The following SEMA6D variants were observed in gnomAD, a reference collection of about 807,000 sequenced individuals.
The protein encoded by SEMA6D is semaphorin 6D, also known as semaphorin-6D.
A neutral mutation model predicts 106.6 loss-of-function variants in SEMA6D; 35 were observed. That is an observed-to-expected ratio of 0.33 (90% CI 0.25 to 0.44). The LOEUF is 0.44. SEMA6D is among the 20% of genes least tolerant of loss of function. The pLI is 1.00. For missense variants in SEMA6D, 1,185 were observed against 1,345.9 expected (o/e 0.88, Z 1.87); for synonymous variants, 499 against 487.7 (o/e 1.02, Z -0.31).
At chr15:47,694,444 T>G (rs1174576977) in intron 4 of SEMA6D, among the ~76,000 whole-genome samples, 1 of 152,062 alleles carries the variant, frequency 6.6e-6, no homozygotes, top group Non-Finnish European at 1.5e-5. Context: ...CGCCTTCACC[T>G]CCAACCCACC....
intron 1 of SEMA6D, among the ~76,000 whole-genome samples, chr15:47,409,970 G>T (rs1467568468): frequency 6.6e-6 from 1 of 151,976 alleles, no homozygotes; most frequent in South Asian, 2.1e-4. Flanking sequence ...TCTGAAAGTC[G>T]GTGTTAGAAC....
At chr15:47,469,374 G>C (rs965591302) in intron 2 of SEMA6D, among the ~76,000 whole-genome samples, 3 of 151,788 alleles carry the variant, frequency 2.0e-5, no homozygotes, top group Non-Finnish European at 4.4e-5. Flanking sequence ...TTAGTGGGGG[G>C]AGGACTTCAA....
chr15:47,761,661 T>G lies in SEMA6D; in HGVS notation c.448T>G (p.Leu150Val). 1 of 1,610,284 alleles carries G rather than the reference T, an allele frequency of 6.2e-7. No homozygotes were observed. Among genetic ancestry groups the G allele is most frequent in the Non-Finnish European group, 8.5e-7 (1 of 1,178,012 alleles). The change falls in exon 7 of 19, where the codon TTG becomes GTG. Residue 150 changes from leucine (L) to valine (V), a missense_variant and splice_region_variant. By Grantham distance (32) the Leu-to-Val change is conservative. Around this residue, in one of 3 missense-constraint regions of SEMA6D, gnomAD observed 291 missense variants for 423.8 expected, o/e 0.69. Coordinates refer to ENST00000536845, the MANE Select transcript of SEMA6D (RefSeq NM_001358351.3). Reference sequence around the variant, plus strand: ...CTGGCTATTTACTTTTCTTTTGTAGTTGAGTACCTTAGAATATGATGGGGA... The same window carrying G: ...CTGGCTATTTACTTTTCTTTTGTAGGTGAGTACCTTAGAATATGATGGGGA... ...AFNPMCRYYRLSTLEYDGEEI... is the reference protein window; with the variant it reads ...AFNPMCRYYRVSTLEYDGEEI...
At chr15:47,622,051 G>T (rs2077111787) in intron 4 of SEMA6D, among the ~76,000 whole-genome samples, 1 of 152,092 alleles carries the variant, frequency 6.6e-6, no homozygotes, top group Admixed American at 6.5e-5. Flanking sequence ...ACTGAGAGGG[G>T]TGATTGAACA....
In SEMA6D at chr15:47,760,346, A is replaced by G. The variant is rs752260891; in HGVS notation, c.152A>G (p.Asn51Ser). Reference protein sequence around the residue: ...YPVFRGRPSGNESQHRLDFQL... With the variant: ...YPVFRGRPSGSESQHRLDFQL... ...GTTTTTAGAGGACGCCCTTCAGGCA[A>G]TGAATCGCAGCACAGGCTGGACTTT... Residue 51 changes from asparagine (N) to serine (S), a missense_variant, in exon 3 of 19, where the codon AAT (asparagine) becomes AGT (serine). By Grantham distance (46) the Asn-to-Ser change is conservative. Coordinates refer to ENST00000536845, the MANE Select transcript of SEMA6D (RefSeq NM_001358351.3). The G allele has an allele frequency of 3.7e-6, 6 of 1,613,594 alleles. No individual in the cohort carries two copies. The highest frequency in any genetic ancestry group is 2.2e-5 in the South Asian group (2 of 91,070).
chr15:47,190,347 T>C (rs1893876435), intron 1 of SEMA6D, among the ~76,000 whole-genome samples: 1 of 152,230 alleles, frequency 6.6e-6, no homozygotes, highest in African/African-American at 2.4e-5. Flanking sequence ...AGGAGGAAAC[T>C]TGAAAATTTA....
At chr15:47,716,944 TG>T (rs1357263919), upstream of SEMA6D, 1 of 61,858 alleles carries the variant, frequency 1.6e-5, no homozygotes, top group Non-Finnish European at 3.2e-5. Flanking sequence ...GGGGGTAATG[TG>T]GGGGCGGGTT....
intron 1 of SEMA6D, among the ~76,000 whole-genome samples, chr15:47,227,037 G>A (rs932640111): frequency 6.6e-5 from 10 of 152,044 alleles, no homozygotes; most frequent in African/African-American, 2.4e-4. Context: ...AGCCAAAGGT[G>A]TAATAGGATG....
chr15:47,559,025 C>T (rs766731552), intron 3 of SEMA6D, among the ~76,000 whole-genome samples: 15 of 151,748 alleles, frequency 9.9e-5, no homozygotes, highest in Non-Finnish European at 1.8e-4. Context: ...CTCATGGAAG[C>T]GTGAGTAAGC....
At chr15:47,409,469 A>G (rs978595587) in intron 1 of SEMA6D, among the ~76,000 whole-genome samples, 2 of 152,212 alleles carry the variant, frequency 1.3e-5, no homozygotes, top group African/African-American at 2.4e-5. Flanking sequence ...TATCTCCCAC[A>G]TACTACAGAA....
chr15:47,501,305 C>T (rs1051576931), intron 3 of SEMA6D, among the ~76,000 whole-genome samples: 3 of 152,178 alleles, frequency 2.0e-5, no homozygotes, highest in Admixed American at 6.5e-5. Context: ...CTTCTCACTT[C>T]CCTTCCTCGT....
intron 3 of SEMA6D, among the ~76,000 whole-genome samples, chr15:47,474,727 C>G (rs1412442039): frequency 6.6e-6 from 1 of 152,194 alleles, no homozygotes; most frequent in Non-Finnish European, 1.5e-5. Context: ...CAGTGATGCT[C>G]AGCAAATGGT....
intron 1 of SEMA6D, among the ~76,000 whole-genome samples, chr15:47,302,321 T>C (rs79020786): frequency 0.06 from 9,090 of 152,256 alleles, 774 homozygotes; most frequent in African/African-American, 0.19. Flanking sequence ...CCCTTTTCTG[T>C]CTCTTGCAAG....
chr15:47,685,924 T>C (rs975662406), intron 4 of SEMA6D, among the ~76,000 whole-genome samples: 11 of 152,086 alleles, frequency 7.2e-5, no homozygotes, highest in Non-Finnish European at 1.2e-4. Flanking sequence ...AAGATGCATA[T>C]CTGAGATTTA....
At chr15:47,551,153 A>G (rs2045674282) in intron 3 of SEMA6D, among the ~76,000 whole-genome samples, 1 of 152,116 alleles carries the variant, frequency 6.6e-6, no homozygotes, top group African/African-American at 2.4e-5. Context: ...TGGGCTCCTG[A>G]GTGACCTATA....
intron 1 of SEMA6D, among the ~76,000 whole-genome samples, chr15:47,262,131 G>A (rs939830453): frequency 1.3e-5 from 2 of 151,908 alleles, no homozygotes; most frequent in African/African-American, 4.8e-5. Flanking sequence ...AACTAGGGAG[G>A]TAAAAAAAAT....
At chr15:47,492,527 A>G (rs1336019610) in intron 3 of SEMA6D, among the ~76,000 whole-genome samples, 2 of 152,148 alleles carry the variant, frequency 1.3e-5, no homozygotes, top group African/African-American at 2.4e-5. Context: ...CACTGCCTAT[A>G]TTTTTATACC....
chr15:47,487,342 CTCT>C (rs2043326790), intron 3 of SEMA6D, among the ~76,000 whole-genome samples: 1 of 152,170 alleles, frequency 6.6e-6, no homozygotes, highest in African/African-American at 2.4e-5. Flanking sequence ...CCTCCAACCC[CTCT>C]TCTTCTAAGA....
At chr15:47,200,598 G>A (rs924005679) in intron 1 of SEMA6D, among the ~76,000 whole-genome samples, 5 of 151,920 alleles carry the variant, frequency 3.3e-5, no homozygotes, top group East Asian at 3.9e-4. Flanking sequence ...TTAATTATGC[G>A]CTATTCTAAC....
Sources: gnomAD v4.1 joint callset for allele counts (sites outside exome capture counted in the v4.1 genomes callset) on GRCh38, gnomAD v4.1.1 for gene constraint, gnomAD v4.1.1 regional missense constraint, MANE v1.5 for transcripts, NCBI Gene and HGNC (gene_info 2026-07-23, HGNC 2026-07-21) for gene names.